Variants in DENND2D observed in about 807,000 individuals in gnomAD.
The protein encoded by DENND2D is DENN domain containing 2D, also known as DENN domain-containing protein 2D.
Under a neutral mutation model 59.8 loss-of-function variants are expected in DENND2D, and 37 were observed. That is an observed-to-expected ratio of 0.62 (90% CI 0.48 to 0.81). The LOEUF (loss-of-function observed/expected upper bound fraction) is 0.81, where lower values mean the gene tolerates loss of function less well. Ranked by LOEUF, DENND2D falls within the 40% of genes least tolerant of loss-of-function variation. The probability of loss-of-function intolerance (pLI) is 0.00; values close to 1 mark genes in which losing one functional copy is unlikely to be tolerated. For synonymous variants in DENND2D, 219 were observed against 211.3 expected (o/e 1.04, Z -0.31); for missense variants, 525 against 579.7 (o/e 0.91, Z 0.97).
At chr1:111,201,636 C>G (rs983903485), upstream of DENND2D, among the ~76,000 whole-genome samples, 1 of 152,158 alleles carries the variant, frequency 6.6e-6, no homozygotes, top group Non-Finnish European at 1.5e-5. Context: ...ACAGGGAAGG[C>G]TTTTACCAGG....
intron 6 of DENND2D, 66 bp from the exon 7 acceptor site, chr1:111,194,792 T>C: frequency 1.3e-6 from 2 of 1,566,690 alleles, no homozygotes; most frequent in Non-Finnish European, 1.7e-6. Context: ...CCCGAGGTGC[T>C]AGGCCTCTAC....
intron 8 of DENND2D, among the ~76,000 whole-genome samples, chr1:111,191,085 C>A (rs1557953679): frequency 6.6e-6 from 1 of 152,134 alleles, no homozygotes; most frequent in African/African-American, 2.4e-5. Context: ...CAAGAAGTTT[C>A]ATAATTTCTG....
intron 5 of DENND2D, 57 bp from the exon 6 acceptor site, chr1:111,196,113 G>A: frequency 6.5e-7 from 1 of 1,541,662 alleles, no homozygotes; most frequent in South Asian, 1.3e-5. Context: ...CAGGCAGGTG[G>A]AAGAGACTCT....
chr1:111,203,614 C>T (rs1455867727), upstream of DENND2D, among the ~76,000 whole-genome samples: 1 of 152,244 alleles, frequency 6.6e-6, no homozygotes, highest in Non-Finnish European at 1.5e-5. Context: ...AATTTAATCC[C>T]CATAATCCTG....
chr1:111,197,207 C>T lies in DENND2D; in HGVS notation c.473G>A (p.Ser158Asn), dbSNP rs1017562103. Reference sequence around the variant, plus strand: ...GAACAAGCCGAAGCAGCCGATGCAGCTGATGATGCAGTACACTTTGGGAAG... The same window carrying T: ...GAACAAGCCGAAGCAGCCGATGCAGTTGATGATGCAGTACACTTTGGGAAG... Reference protein sequence around the residue: ...PRLPKVYCIISCIGCFGLFSK... With the variant: ...PRLPKVYCIINCIGCFGLFSK... The change falls in exon 5 of 12, where the codon AGC becomes AAC. Residue 158 changes from serine (S) to asparagine (N), a missense_variant. By Grantham distance (46) the Ser-to-Asn change is conservative (BLOSUM62 1). Transcript: ENST00000357640. 1.5e-5 allele frequency: 25 copies of T among 1,613,926 alleles called. No individual in the cohort carries two copies. The highest frequency in any genetic ancestry group is 1.9e-5 in the Non-Finnish European group (23 of 1,179,984).
At chr1:111,204,350 C>T, upstream of DENND2D, 1 of 1,479,134 alleles carries the variant, frequency 6.8e-7, no homozygotes, top group African/African-American at 1.5e-5. Context: ...CCGAGCCCAT[C>T]CATGGCCCCT....
At chr1:111,198,453 A>G (rs946819073) in intron 3 of DENND2D, among the ~76,000 whole-genome samples, 177 bp downstream of exon 3, 2 of 152,174 alleles carry the variant, frequency 1.3e-5, no homozygotes, top group African/African-American at 4.8e-5. Flanking sequence ...GATCAAACTG[A>G]TAGCTCATAT....
In DENND2D at chr1:111,200,502, A is replaced by T; in HGVS notation, c.-43T>A. The T allele has an allele frequency of 6.3e-7, 1 of 1,576,974 alleles. No homozygotes were observed. The highest frequency in any genetic ancestry group is 8.6e-7 in the Non-Finnish European group (1 of 1,161,032). On this transcript the variant is annotated 5_prime_UTR_variant, in exon 1 of 12. Coordinates refer to ENST00000357640, the MANE Select transcript of DENND2D (RefSeq NM_024901.5). ...AGAGCGGACTCCCCTCTCCCCTAAC[A>T]CAGACAGACTGGTGACAGTAAGCCT... is the stretch of plus-strand genomic sequence containing the variant.
intron 11 of DENND2D, 74 bp downstream of exon 11, chr1:111,188,057 T>C: frequency 6.4e-7 from 1 of 1,558,372 alleles, no homozygotes; most frequent in Non-Finnish European, 8.7e-7. Flanking sequence ...AAGAGAAGTA[T>C]TCTTTCTTTC....
rs1458417452 is a variant in DENND2D, at chr1:111,197,271, G to A, written c.427-18C>T. 2 of 1,606,052 alleles carry A rather than the reference G, an allele frequency of 1.2e-6. No individual in the cohort carries two copies. Among genetic ancestry groups the A allele is most frequent in the Non-Finnish European group, 1.7e-6 (2 of 1,177,002 alleles). On this transcript the variant is annotated intron_variant, in intron 4 of 11. Transcript: ENST00000357640. ...CCGGCAGGCTGGGGAGGGACAGAGA[G>A]GCTCCTTCAGTGCTGCAGCCTCCCC... is the stretch of plus-strand genomic sequence containing the variant.
Position 111,199,115 on chromosome 1 carries a change from C to A in DENND2D, c.244-373G>T, listed in dbSNP as rs112238544. On this transcript the variant is annotated intron_variant, in intron 2 of 11. Transcript: ENST00000357640. ...CACATCAGAGAAGAGAAGCGGCCAG[C>A]TCAGTTGGCACACCTGCTAATGAGA... Among the ~76,000 whole-genome samples the A allele has an allele frequency of 5.7e-3, 869 of 152,346 alleles. 6 individuals carry two copies. Among genetic ancestry groups the A allele is most frequent in the Non-Finnish European group, 9.5e-3 (647 of 68,028 alleles).
intron 10 of DENND2D, 60 bp from the exon 11 acceptor site, chr1:111,188,430 A>G (rs2101441157): frequency 6.3e-7 from 1 of 1,586,414 alleles, no homozygotes; most frequent in Non-Finnish European, 8.6e-7. Context: ...ACCCAAACTC[A>G]CCTTCAAGAA....
At chr1:111,191,543 T>C (rs987400074) in intron 8 of DENND2D, among the ~76,000 whole-genome samples, 3 of 152,308 alleles carry the variant, frequency 2.0e-5, no homozygotes, top group Admixed American at 2.0e-4. Context: ...CACAACTGAG[T>C]TCTCTGGTGT....
intron 6 of DENND2D, chr1:111,195,032 G>T: frequency 2.7e-6 from 1 of 369,102 alleles, no homozygotes; most frequent in South Asian, 4.9e-5. Context: ...CACAGTGAGG[G>T]CCCTCCTCCT....
At chr1:111,194,773 C>A in intron 6 of DENND2D, 47 bp from the exon 7 acceptor site, 1 of 1,604,360 alleles carries the variant, frequency 6.2e-7, no homozygotes, top group South Asian at 1.1e-5. Flanking sequence ...ACTGCAAGAT[C>A]ATGCAGACCC....
At chr1:111,203,587 C>T (rs1659011031), upstream of DENND2D, among the ~76,000 whole-genome samples, 1 of 152,278 alleles carries the variant, frequency 6.6e-6, no homozygotes, top group South Asian at 2.1e-4. Flanking sequence ...GCTTCTTTAA[C>T]TTAGAAGTTG....
rs1199167635 is a variant in DENND2D, at chr1:111,195,854, G to C, written c.645+62C>G. The C allele has an allele frequency of 8.1e-6, 13 of 1,609,110 alleles. No homozygotes were observed. The Admixed American group carries it at 2.2e-4, about 27-fold the overall frequency. ...CTGGTTAATGGAAGAACAGTGGTGA[G>C]AGGTGCCACAGATGCCTACCCTCTC... On this transcript the variant is annotated intron_variant, in intron 6 of 11. Coordinates refer to ENST00000357640, the MANE Select transcript of DENND2D (RefSeq NM_024901.5).
upstream of DENND2D, chr1:111,204,150 C>T: frequency 1.2e-6 from 1 of 839,704 alleles, no homozygotes; most frequent in Non-Finnish European, 1.7e-6. Flanking sequence ...GCTCACCTGC[C>T]CCCGCGCAGC....
rs927425900 is a variant in DENND2D at position 111,186,101 on chromosome 1, A to G, written c.*1504T>C. Among the ~76,000 whole-genome samples, 1 of 152,214 alleles carries G rather than the reference A, an allele frequency of 6.6e-6. No homozygotes were observed. Among genetic ancestry groups the G allele is most frequent in the Non-Finnish European group, 1.5e-5 (1 of 68,024 alleles). ...AGCATTAGCATCAAATCAAGGGTAC[A>G]TTTGTAATAAACCTCAGCAAACCTT... On this transcript the variant is annotated 3_prime_UTR_variant, in exon 12 of 12. Coordinates refer to ENST00000357640, the MANE Select transcript of DENND2D (RefSeq NM_024901.5).
Sources: gnomAD v4.1 joint callset for allele counts (sites outside exome capture counted in the v4.1 genomes callset) on GRCh38, gnomAD v4.1.1 for gene constraint, MANE v1.5 for transcripts, NCBI Gene and HGNC (gene_info 2026-07-23, HGNC 2026-07-21) for gene names.